The following LRRC4C variants were observed in gnomAD, a reference collection of about 807,000 sequenced individuals.
The protein encoded by LRRC4C is leucine-rich repeat-containing protein 4C.
Under a neutral mutation model 33.6 loss-of-function variants are expected in LRRC4C, and 5 were observed. That is an observed-to-expected ratio of 0.15 (90% CI 0.08 to 0.31). The LOEUF is 0.31. Among genes scored for constraint, LRRC4C ranks in the 10% least tolerant of loss-of-function variants. The pLI is 1.00. For missense variants in LRRC4C, 560 were observed against 796.7 expected, an observed-to-expected ratio of 0.70 and a Z score of 3.58; for synonymous variants, 329 against 302.0, an observed-to-expected ratio of 1.09 and a Z score of -0.93.
In LRRC4C at chr11:40,790,142, T is replaced by C. The variant is rs147446285; in HGVS notation, c.-406-141864A>G. ...GATTTCAGTGACAAAACTTGATTTTTACCCACAGAAAATATTTCGTAAGTG... is the reference window on the plus strand; with the variant it reads ...GATTTCAGTGACAAAACTTGATTTTCACCCACAGAAAATATTTCGTAAGTG... On this transcript the variant is annotated intron_variant, in intron 2 of 6. Transcript: ENST00000528697. 4.8e-3 allele frequency among the ~76,000 whole-genome samples: 733 copies of C among 152,326 alleles called. 2 individuals are homozygous for C. Among genetic ancestry groups the C allele is most frequent in the African/African-American group, 0.015 (627 of 41,578 alleles).
At chr11:40,361,724 A>G (rs1178329526) in intron 3 of LRRC4C, among the ~76,000 whole-genome samples, 1 of 152,076 alleles carries the variant, frequency 6.6e-6, no homozygotes, top group African/African-American at 2.4e-5. Context: ...TTCCCATTAA[A>G]CTACCATTGA....
intron 2 of LRRC4C, among the ~76,000 whole-genome samples, chr11:40,913,770 G>T (rs1216306225): frequency 2.0e-5 from 3 of 152,126 alleles, no homozygotes; most frequent in Admixed American, 6.5e-5. Flanking sequence ...CTGGTTTTTT[G>T]AAAAGATCAA....
At chr11:41,267,501 G>T (rs1949189011) in intron 1 of LRRC4C, among the ~76,000 whole-genome samples, 1 of 152,110 alleles carries the variant, frequency 6.6e-6, no homozygotes, top group South Asian at 2.1e-4. Context: ...ATCAATAAAG[G>T]TTAAGTGGCT....
chr11:41,310,846 G>A (rs930779711), intron 1 of LRRC4C, among the ~76,000 whole-genome samples: 9 of 151,928 alleles, frequency 5.9e-5, no homozygotes, highest in South Asian at 2.1e-4. Context: ...ATATAACTTC[G>A]TATACTATCT....
intron 1 of LRRC4C, among the ~76,000 whole-genome samples, chr11:41,131,124 G>A (rs573470497): frequency 3.3e-5 from 5 of 152,080 alleles, no homozygotes; most frequent in African/African-American, 7.2e-5. Context: ...GCAGCAGCCC[G>A]AGTTTAGTAT....
At chr11:41,173,813 T>C (rs1945081915) in intron 1 of LRRC4C, among the ~76,000 whole-genome samples, 1 of 152,172 alleles carries the variant, frequency 6.6e-6, no homozygotes, top group Non-Finnish European at 1.5e-5. Flanking sequence ...GACTCAGTGT[T>C]AAATGTTTAT....
At chr11:40,871,434 T>G (rs1259810742) in intron 2 of LRRC4C, among the ~76,000 whole-genome samples, 1 of 152,110 alleles carries the variant, frequency 6.6e-6, no homozygotes, top group Non-Finnish European at 1.5e-5. Flanking sequence ...TTCTCTCTTT[T>G]GTACTCTGTC....
chr11:40,743,021 G>A (rs1402602450), intron 2 of LRRC4C, among the ~76,000 whole-genome samples: 4 of 152,144 alleles, frequency 2.6e-5, no homozygotes, highest in African/African-American at 9.6e-5. Context: ...CTTGGGAAAG[G>A]TAGAAAAGGT....
At chr11:41,246,997 C>A (rs1280241469) in intron 1 of LRRC4C, among the ~76,000 whole-genome samples, 1 of 152,230 alleles carries the variant, frequency 6.6e-6, no homozygotes, top group Admixed American at 6.5e-5. Context: ...CATCTTTCCA[C>A]CCCACCGGGT....
intron 1 of LRRC4C, among the ~76,000 whole-genome samples, chr11:41,094,389 T>C (rs1304107882): frequency 1.3e-5 from 2 of 151,952 alleles, no homozygotes; most frequent in African/African-American, 4.8e-5. Context: ...GCCGGCCTGG[T>C]GGCGTGTGCC....
chr11:40,994,859 T>G (rs981817328), intron 1 of LRRC4C, among the ~76,000 whole-genome samples: 2 of 151,918 alleles, frequency 1.3e-5, no homozygotes, highest in Non-Finnish European at 2.9e-5. Context: ...CAATGACCTT[T>G]AATTCTTAAG....
At chr11:40,742,342 C>T (rs1340389233) in intron 2 of LRRC4C, among the ~76,000 whole-genome samples, 2 of 151,918 alleles carry the variant, frequency 1.3e-5, no homozygotes, top group Admixed American at 1.3e-4. Context: ...TAGGATGTCT[C>T]AAATTATTAT....
chr11:40,505,093 A>G (rs1954967684), intron 3 of LRRC4C, among the ~76,000 whole-genome samples: 1 of 152,076 alleles, frequency 6.6e-6, no homozygotes, highest in African/African-American at 2.4e-5. Flanking sequence ...TGCTGATTCA[A>G]TTGGATAAGG....
chr11:40,419,015 A>G (rs1409788537), intron 3 of LRRC4C, among the ~76,000 whole-genome samples: 1 of 152,098 alleles, frequency 6.6e-6, no homozygotes, highest in Admixed American at 6.6e-5. Context: ...TAAATAGCTA[A>G]TGTACTCTGG....
At chr11:41,374,139 A>G (rs1271145252) in intron 1 of LRRC4C, among the ~76,000 whole-genome samples, 1 of 152,172 alleles carries the variant, frequency 6.6e-6, no homozygotes, top group East Asian at 1.9e-4. Context: ...GCCTTGAACC[A>G]TCTGTCTGAA....
intron 2 of LRRC4C, among the ~76,000 whole-genome samples, chr11:40,917,991 C>T (rs963388848): frequency 2.0e-5 from 3 of 152,080 alleles, no homozygotes; most frequent in African/African-American, 4.8e-5. Flanking sequence ...AGGTATTATG[C>T]CTGCTTAGAA....
chr11:40,778,379 C>T (rs138650171), intron 2 of LRRC4C, among the ~76,000 whole-genome samples: 200 of 152,192 alleles, frequency 1.3e-3, no homozygotes, highest in Middle Eastern at 6.8e-3. Context: ...TTTAGGACTT[C>T]GATGCTATCT....
At chr11:40,116,413 T>C (rs1855438292) in intron 6 of LRRC4C, 79 bp from the exon 7 acceptor site, 28 of 1,398,572 alleles carry the variant, frequency 2.0e-5, no homozygotes, top group Non-Finnish European at 2.5e-5. Context: ...GTCGGTGATA[T>C]AGTGTATCAG....
rs1555064936 is a variant in LRRC4C, at chr11:41,075,060, T to TTA, written c.-495-141338_-495-141337insTA. 1.9e-3 allele frequency among the ~76,000 whole-genome samples: 155 copies of TTA among 80,538 alleles called. 2 individuals are homozygous for TTA. The highest frequency in any genetic ancestry group is 9.8e-3 in the East Asian group (30 of 3,050). The allele number at this position is 80,538 out of a possible 152,430, so 52.8% of individuals were successfully genotyped here. ...TTATTTTTAATGTTTTTTTTTTTTTTTTATTATACTCTAAGTTTTAGGGTA... is the reference window on the plus strand; with the variant it reads ...TTATTTTTAATGTTTTTTTTTTTTTTTATTATTATACTCTAAGTTTTAGGGTA... On this transcript the variant is annotated intron_variant, in intron 1 of 6. Transcript: ENST00000528697.
Sources: gnomAD v4.1 joint callset for allele counts (sites outside exome capture counted in the v4.1 genomes callset) on GRCh38, gnomAD v4.1.1 for gene constraint, MANE v1.5 for transcripts, NCBI Gene and HGNC (gene_info 2026-07-23, HGNC 2026-07-21) for gene names.